The following MUC5AC variants were observed in gnomAD, a reference collection of about 807,000 sequenced individuals.
MUC5AC encodes mucin-5AC.
In MUC5AC, 158 loss-of-function variants were observed where a neutral mutation model predicts 169.7. The observed-to-expected ratio is 0.93, with a 90% CI of 0.82 to 1.06. The LOEUF is 1.06. MUC5AC is among the 50% of genes least tolerant of loss of function. The probability of loss-of-function intolerance (pLI) is 0.00; values close to 1 mark genes in which losing one functional copy is unlikely to be tolerated. For synonymous variants in MUC5AC, 1,975 were observed against 1,237.0 expected (o/e 1.60, Z -12.52); for missense variants, 4,359 against 3,089.9 (o/e 1.41, Z -9.74).
In MUC5AC at chr11:1,192,767, T is replaced by C. The variant is rs952110218; in HGVS notation, c.14381-16T>C. ...CAGGACTCCACTAAAGGCTGCCATG[T>C]CCCTTCCTCTTACAGGATCCACCAT... is the stretch of plus-strand genomic sequence containing the variant. On this transcript the variant is annotated splice_polypyrimidine_tract_variant and intron_variant, in intron 31 of 48. Coordinates refer to ENST00000621226, the MANE Select transcript of MUC5AC (RefSeq NM_001304359.2). 8.0e-6 allele frequency: 6 copies of C among 748,328 alleles called. No individual in the cohort carries two copies. In the African/African-American group the frequency reaches 8.5e-5, roughly 11 times the overall value. 46.4% of individuals were successfully genotyped at this position (748,328 alleles called of 1,614,324 possible). A position where few individuals can be genotyped will look rare whatever the true frequency, so the allele number is the denominator to read the frequency against.
Position 1,191,276 on chromosome 11 carries a change from C to T in MUC5AC, c.13131C>T (p.Pro4377=), listed in dbSNP as rs1394625344. The change falls in exon 31 of 49, where the codon CCC becomes CCT. Residue 4377 remains proline (P), a synonymous_variant. Coordinates refer to ENST00000621226, the MANE Select transcript of MUC5AC (RefSeq NM_001304359.2). Reference sequence around the variant, plus strand: ...CAACCTCTGGTCCTGGAACTACTCCCAGCCCTGTTCCCACCACCAGCACAA... The same window carrying T: ...CAACCTCTGGTCCTGGAACTACTCCTAGCCCTGTTCCCACCACCAGCACAA... ...ASTTSGPGTT[P]SPVPTTSTTS... is the part of the protein sequence containing the mutation. 6 of 736,506 alleles carry T rather than the reference C, an allele frequency of 8.1e-6. No individual in the cohort carries two copies. In the East Asian group the frequency reaches 1.5e-4, roughly 18 times the overall value. The allele number at this position is 736,506 out of a possible 1,614,324, so 45.6% of individuals were successfully genotyped here.
intron 11 of MUC5AC, among the ~76,000 whole-genome samples, chr11:1,167,410 G>A (rs916608984): frequency 2.6e-5 from 4 of 152,170 alleles, no homozygotes; most frequent in African/African-American, 9.7e-5. Flanking sequence ...GATACCCTGC[G>A]CTGGGGTGGA....
chr11:1,186,464 C>G lies in MUC5AC; in HGVS notation c.8319C>G (p.Thr2773=). The G allele has an allele frequency of 1.4e-6, 1 of 698,042 alleles. No homozygotes were observed. The highest frequency in any genetic ancestry group is 1.5e-5 in the South Asian group (1 of 66,374). The allele number at this position is 698,042 out of a possible 1,614,324, so 43.2% of individuals were successfully genotyped here. A position where few individuals can be genotyped will look rare whatever the true frequency, so the allele number is the denominator to read the frequency against. ...STTSATTTST[T]SATTTSTISA... is the part of the protein sequence containing the mutation. ...CCTCTGCGACTACAACCAGCACAAC[C>G]TCTGCTACTACAACCAGCACAATCT... The change falls in exon 31 of 49, where the codon ACC becomes ACG. Residue 2773 remains threonine, a synonymous_variant. Transcript: ENST00000621226.
intron 24 of MUC5AC, 94 bp downstream of exon 24, chr11:1,177,727 A>C: frequency 8.0e-6 from 3 of 377,188 alleles, no homozygotes; most frequent in South Asian, 1.4e-4. Context: ...GCACAGAGAC[A>C]CAGAGAGAAA....
rs1317230468 is a variant in MUC5AC, at chr11:1,161,798, G to A, written c.212-109G>A. On this transcript the variant is annotated intron_variant, in intron 3 of 48. Coordinates refer to ENST00000621226, the MANE Select transcript of MUC5AC (RefSeq NM_001304359.2). ...CCTGGGTGCCCCGTCCAGGGCAGCA[G>A]CACTTCCTGCAGGACCCTGGGGAGG... is the stretch of plus-strand genomic sequence containing the variant. The A allele has an allele frequency of 6.1e-6, 9 of 1,464,450 alleles. No homozygotes were observed. In the Admixed American group the frequency reaches 1.8e-4, roughly 29 times the overall value. The allele number at this position is 1,464,450 out of a possible 1,614,324, so 90.7% of individuals were successfully genotyped here.
chr11:1,185,131 C>T lies in MUC5AC; in HGVS notation c.6986C>T (p.Thr2329Ile), dbSNP rs1482678384. 618 of 724,930 alleles carry T rather than the reference C, an allele frequency of 8.5e-4. 6 individuals are homozygous for T. In the African/African-American group the frequency reaches 9.2e-3, roughly 11 times the overall value. 44.9% of individuals were successfully genotyped at this position (724,930 alleles called of 1,614,324 possible). ...APTTSITSAPTTSTTSAPTSS... is the reference protein window; with the variant it reads ...APTTSITSAPITSTTSAPTSS... ...ACAACTAGCATAACCTCTGCCCCTA[C>T]AACCAGCACAACCTCTGCCCCTACA... Residue 2329 changes from threonine to isoleucine, a missense_variant, in exon 31 of 49, where the codon ACA becomes ATA. By Grantham distance (89) the Thr-to-Ile change is moderately conservative. Coordinates refer to ENST00000621226, the MANE Select transcript of MUC5AC (RefSeq NM_001304359.2).
intron 41 of MUC5AC, 79 bp downstream of exon 41, chr11:1,197,718 C>T (rs911030759): frequency 4.7e-6 from 3 of 638,756 alleles, no homozygotes; most frequent in Middle Eastern, 4.1e-4. Context: ...TTTGCTGCTG[C>T]CTTGGGGCGT....
chr11:1,194,707 C>A (rs751593353), intron 35 of MUC5AC, 37 bp downstream of exon 35: 1 of 718,946 alleles, frequency 1.4e-6, no homozygotes, highest in Non-Finnish European at 2.5e-6. Flanking sequence ...GTCTGGCATT[C>A]GCGGGGGCGG....
Position 1,200,776 on chromosome 11 carries a change from G to A in MUC5AC, c.*74G>A. The A allele has an allele frequency of 1.5e-6, 1 of 666,316 alleles. No individual in the cohort carries two copies. The highest frequency in any genetic ancestry group is 2.7e-6 in the Non-Finnish European group (1 of 368,036). 41.3% of individuals were successfully genotyped at this position (666,316 alleles called of 1,614,324 possible). ...TCTGAGCTCGGCTTCCAAGGCCAGT[G>A]GAACTTGTGCCCCTGTCCAGGCGGC... On this transcript the variant is annotated 3_prime_UTR_variant, in exon 49 of 49. Coordinates refer to ENST00000621226, the MANE Select transcript of MUC5AC (RefSeq NM_001304359.2).
chr11:1,175,843 A>ACACCCACTTATGCAACACT (rs1860668489), intron 19 of MUC5AC, among the ~76,000 whole-genome samples: 1 of 4,998 alleles, frequency 2.0e-4, no homozygotes, highest in Non-Finnish European at 4.1e-4. Context: ...ACACGCACTC[A>ACACCCACTTATGCAACACT]CACACCCACT....
In MUC5AC at chr11:1,199,413, C is replaced by A; in HGVS notation, c.16438C>A (p.His5480Asn). The A allele has an allele frequency of 1.4e-6, 1 of 730,644 alleles. No homozygotes were observed. Among genetic ancestry groups the A allele is most frequent in the African/African-American group, 1.7e-5 (1 of 58,308 alleles). The allele number at this position is 730,644 out of a possible 1,614,324, so 45.3% of individuals were successfully genotyped here. Residue 5480 changes from histidine to asparagine, a missense_variant, in exon 46 of 49, where the codon CAC becomes AAC. Transcript: ENST00000621226. Reference protein sequence around the residue: ...WSDAGNHCVTHQCEKHQDGLV... With the variant: ...WSDAGNHCVTNQCEKHQDGLV... ...AGACGCAGGGAACCACTGTGTGACC[C>A]ACCAGTGTGAGAAGCACCAGGATGG... is the stretch of plus-strand genomic sequence containing the variant.
Position 1,178,666 on chromosome 11 carries a change from G to A in MUC5AC, c.3310G>A (p.Ala1104Thr), listed in dbSNP as rs1463939092. The part of the protein sequence containing the change: ...QCSILHGPTF[A>T]ACHAHVEPAR... ...CAGCATCCTCCACGGCCCCACCTTC[G>A]CCGCCTGCCACGCACACGTATGCTG... The change falls in exon 25 of 49, where the codon GCC (alanine) becomes ACC (threonine). Residue 1104 changes from alanine (A) to threonine (T), a missense_variant. By Grantham distance (58) the Ala-to-Thr change is moderately conservative (BLOSUM62 0). Transcript: ENST00000621226. 8 of 1,320,176 alleles carry A rather than the reference G, an allele frequency of 6.1e-6. No individual in the cohort carries two copies. Among genetic ancestry groups the A allele is most frequent in the East Asian group, 2.8e-5 (1 of 35,656 alleles). The allele number at this position is 1,320,176 out of a possible 1,614,324, so 81.8% of individuals were successfully genotyped here.
chr11:1,173,568 TTC>T (rs1860603629), intron 16 of MUC5AC, among the ~76,000 whole-genome samples: 1 of 114,124 alleles, frequency 8.8e-6, no homozygotes, highest in Non-Finnish European at 1.7e-5. Context: ...CACCTACTCA[TTC>T]ATCCACTCAC....
rs1215984264 is a variant in MUC5AC, at chr11:1,187,604, A to G, written c.9459A>G (p.Gly3153=). 1.7e-5 allele frequency: 13 copies of G among 761,956 alleles called. No homozygotes were observed. Among genetic ancestry groups the G allele is most frequent in the African/African-American group, 1.2e-4 (7 of 58,998 alleles). 47.2% of individuals were successfully genotyped at this position (761,956 alleles called of 1,614,324 possible). A position where few individuals can be genotyped will look rare whatever the true frequency, so the allele number is the denominator to read the frequency against. ...CAGCCAGCAAAACCTCTGGTCCTGG[A>G]ACCACTCCCAGCCCTGTTCCCACCA... ...ASTASKTSGP[G]TTPSPVPTTS... Residue 3153 remains glycine (G), a synonymous_variant, in exon 31 of 49, where the codon GGA becomes GGG. Transcript: ENST00000621226.
intron 9 of MUC5AC, among the ~76,000 whole-genome samples, chr11:1,164,780 G>A: frequency 6.8e-6 from 1 of 147,192 alleles, no homozygotes; most frequent in Non-Finnish European, 1.5e-5. Flanking sequence ...TCCTGAGGCT[G>A]GCTGATGCCC....
chr11:1,161,708 T>C, intron 3 of MUC5AC, 122 bp downstream of exon 3: 1 of 1,313,014 alleles, frequency 7.6e-7, no homozygotes, highest in Non-Finnish European at 1.0e-6. Context: ...GGGTGGGTAT[T>C]GGAGCCAGAG....
At position 1,189,860 on chromosome 11, in the gene MUC5AC, A is replaced by C. The variant is rs1861046927; in HGVS notation, c.11715A>C (p.Ser3905=). ...TSSTPQTSKT[S]AATSSTTSGS... ...CCACTCCACAGACCAGCAAAACCTC[A>C]GCTGCTACAAGCAGCACAACCTCCG... is the stretch of plus-strand genomic sequence containing the variant. Residue 3905 remains serine (S), a synonymous_variant, in exon 31 of 49, where the codon TCA becomes TCC. Coordinates refer to ENST00000621226, the MANE Select transcript of MUC5AC (RefSeq NM_001304359.2). 2 of 763,260 alleles carry C rather than the reference A, an allele frequency of 2.6e-6. No individual in the cohort carries two copies. Among genetic ancestry groups the C allele is most frequent in the Admixed American group, 1.7e-5 (1 of 58,748 alleles). 47.3% of individuals were successfully genotyped at this position (763,260 alleles called of 1,614,324 possible).
Position 1,191,747 on chromosome 11 carries a change from A to G in MUC5AC, c.13602A>G (p.Thr4534=). 1.3e-6 allele frequency: 1 copy of G among 749,596 alleles called. No homozygotes were observed. Among genetic ancestry groups the G allele is most frequent in the African/African-American group, 1.7e-5 (1 of 58,214 alleles). The allele number at this position is 749,596 out of a possible 1,614,324, so 46.4% of individuals were successfully genotyped here. ...APTTSTTSAS[T]ASTTSGPGTS... ...CAACCAGCACAACCTCTGCCTCTAC[A>G]GCCAGCACAACCTCTGGTCCTGGAA... The change falls in exon 31 of 49, where the codon ACA becomes ACG. Residue 4534 remains threonine, a synonymous_variant. Transcript: ENST00000621226.
chr11:1,192,382 C>T lies in MUC5AC; in HGVS notation c.14237C>T (p.Ala4746Val), dbSNP rs764893036. The T allele has an allele frequency of 1.2e-5, 9 of 765,042 alleles. No individual in the cohort carries two copies. Among genetic ancestry groups the T allele is most frequent in the Non-Finnish European group, 2.2e-5 (9 of 417,910 alleles). The allele number at this position is 765,042 out of a possible 1,614,324, so 47.4% of individuals were successfully genotyped here. ...CCATATGGGACTTCTCCTACCAATG[C>T]TCTGTATCCTTCCCTGTCTACTTCC... ...VTPYGTSPTN[A>V]LYPSLSTSMV... The change falls in exon 31 of 49, where the codon GCT (alanine) becomes GTT (valine). Residue 4746 changes from alanine to valine, a missense_variant. Transcript: ENST00000621226.
Sources: allele counts gnomAD v4.1 joint callset (sites outside exome capture counted in the v4.1 genomes callset), GRCh38; gene constraint gnomAD v4.1.1; transcripts MANE v1.5; gene names NCBI Gene and HGNC (gene_info 2026-07-23, HGNC 2026-07-21).